INPP5A: variants seen among roughly 807,000 people sequenced by gnomAD.
The protein encoded by INPP5A is 43 kDa inositol polyphosphate 5-phophatase.
INPP5A carries 14 observed loss-of-function variants against 65.2 expected under a neutral mutation model. That is an observed-to-expected ratio of 0.21 (90% confidence interval 0.14 to 0.34). The LOEUF is 0.34. INPP5A is among the 10% of genes least tolerant of loss of function. The pLI, the probability that INPP5A is intolerant of heterozygous loss-of-function variation, is 1.00. For synonymous variants in INPP5A, 207 were observed against 208.3 expected, an observed-to-expected ratio of 0.99 and a Z score of 0.05; for missense variants, 431 against 545.6, an observed-to-expected ratio of 0.79 and a Z score of 2.09.
chr10:132,550,969 G>A lies in INPP5A; in HGVS notation c.75+12798G>A, dbSNP rs1200671636. Among the ~76,000 whole-genome samples the A allele has an allele frequency of 2.0e-5, 3 of 152,228 alleles. No homozygotes were observed. The East Asian group carries it at 5.8e-4, about 29-fold the overall frequency. ...GGGTGACAGTGGGCCATGTGGTGGGGACTCTGCAGGCCACCTGGAAAGGGG... is the reference window on the plus strand; with the variant it reads ...GGGTGACAGTGGGCCATGTGGTGGGAACTCTGCAGGCCACCTGGAAAGGGG... On this transcript the variant is annotated intron_variant, in intron 1 of 15. Coordinates refer to ENST00000368594, the MANE Select transcript of INPP5A (RefSeq NM_005539.5). This position sits in a 1 kb window ranked among gnomAD's most constrained non-coding sequence, Gnocchi z 4.2.
At chr10:132,613,160 G>A (rs192029757) in intron 2 of INPP5A, among the ~76,000 whole-genome samples, 22 of 152,228 alleles carry the variant, frequency 1.4e-4, no homozygotes, top group African/African-American at 3.9e-4. Context: ...TACTGTGAGC[G>A]TTGATAGTAG....
At chr10:132,770,228 G>A (rs895285283) in intron 12 of INPP5A, among the ~76,000 whole-genome samples, 3 of 152,152 alleles carry the variant, frequency 2.0e-5, no homozygotes, top group Admixed American at 6.5e-5. Context: ...AGGCCTGCCC[G>A]ACGGTACCCA....
chr10:132,604,065 T>C (rs1370962835), intron 1 of INPP5A, among the ~76,000 whole-genome samples: 6 of 137,770 alleles, frequency 4.4e-5, no homozygotes, highest in South Asian at 2.5e-4. Flanking sequence ...TCCCGCCCTG[T>C]GCCGTCAGGG....
chr10:132,719,526 G>A (rs1845820034), intron 8 of INPP5A, among the ~76,000 whole-genome samples: 1 of 150,456 alleles, frequency 6.6e-6, no homozygotes, highest in Non-Finnish European at 1.5e-5. Flanking sequence ...TTAGACGGCT[G>A]TCTTGCGGGT....
intron 5 of INPP5A, among the ~76,000 whole-genome samples, chr10:132,693,968 T>A (rs1294368728): frequency 6.6e-6 from 1 of 152,208 alleles, no homozygotes; most frequent in Non-Finnish European, 1.5e-5. Flanking sequence ...AATGAACAGA[T>A]CTGGCAAGCA....
chr10:132,596,601 TG>T (rs2071692121), intron 1 of INPP5A, among the ~76,000 whole-genome samples: 1 of 152,182 alleles, frequency 6.6e-6, no homozygotes, highest in African/African-American at 2.4e-5. Flanking sequence ...CTAATTTTTT[TG>T]TATTTTTAGT....
In INPP5A at chr10:132,676,341, G is replaced by A. The variant is rs1590916601; in HGVS notation, c.307-14051G>A. Among the ~76,000 whole-genome samples, 1 of 152,124 alleles carries A rather than the reference G, an allele frequency of 6.6e-6. No individual in the cohort carries two copies. Among genetic ancestry groups the A allele is most frequent in the African/African-American group, 2.4e-5 (1 of 41,408 alleles). On this transcript the variant is annotated intron_variant, in intron 4 of 15. Coordinates refer to ENST00000368594, the MANE Select transcript of INPP5A (RefSeq NM_005539.5). The surrounding 1 kb of genome is among the most constrained non-coding windows in gnomAD (Gnocchi z 4.0). ...CTGCGGAAAGGCTCTGGGGCGTCAC[G>A]TCTCCCTGTGGCCGAGGCTGCTGTT...
intron 2 of INPP5A, among the ~76,000 whole-genome samples, chr10:132,636,547 C>T (rs549559647): frequency 1.1e-4 from 16 of 152,346 alleles, no homozygotes; most frequent in African/African-American, 3.8e-4. Flanking sequence ...GCCTGCTGCA[C>T]GCCTTTGGAA....
At chr10:132,715,066 G>C (rs1163782862) in intron 8 of INPP5A, among the ~76,000 whole-genome samples, 1 of 152,198 alleles carries the variant, frequency 6.6e-6, no homozygotes, top group African/African-American at 2.4e-5. Context: ...CTCAGCCCGT[G>C]TTGGGGGCAG....
chr10:132,548,103 C>T (rs972203531), intron 1 of INPP5A, among the ~76,000 whole-genome samples: 5 of 151,882 alleles, frequency 3.3e-5, no homozygotes, highest in African/African-American at 9.7e-5. Context: ...AGGGTTTCAC[C>T]GTATTGGCCA....
intron 13 of INPP5A, among the ~76,000 whole-genome samples, chr10:132,779,067 G>A (rs1483772762): frequency 6.6e-6 from 1 of 152,250 alleles, no homozygotes; most frequent in East Asian, 1.9e-4. Context: ...TGGGCTGGAG[G>A]CGGGGCCCCT....
At chr10:132,655,255 T>TA (rs2072639468) in intron 4 of INPP5A, among the ~76,000 whole-genome samples, 1 of 152,196 alleles carries the variant, frequency 6.6e-6, no homozygotes, top group African/African-American at 2.4e-5. Flanking sequence ...CTGGTGTCCC[T>TA]ACCCCTGGGA....
At chr10:132,626,590 T>C (rs1175948509) in intron 2 of INPP5A, among the ~76,000 whole-genome samples, 7 of 152,252 alleles carry the variant, frequency 4.6e-5, no homozygotes, top group African/African-American at 1.7e-4. Context: ...TGTGCAATTC[T>C]TTCTCTCTGT....
intron 4 of INPP5A, among the ~76,000 whole-genome samples, chr10:132,677,903 G>C (rs1237832603): frequency 6.6e-6 from 1 of 152,194 alleles, no homozygotes; most frequent in Non-Finnish European, 1.5e-5. Context: ...CTTTAATTCA[G>C]GAACAGAATA....
chr10:132,646,963 G>C (rs561855552), intron 3 of INPP5A, among the ~76,000 whole-genome samples: 2 of 152,296 alleles, frequency 1.3e-5, no homozygotes, highest in African/African-American at 2.4e-5. Context: ...GAGGCTTCAG[G>C]CGATCCCAGC....
intron 11 of INPP5A, among the ~76,000 whole-genome samples, chr10:132,758,686 C>G (rs1846676484): frequency 6.6e-6 from 1 of 152,168 alleles, no homozygotes; most frequent in Admixed American, 6.5e-5. Flanking sequence ...CGGCTGTTTT[C>G]CTATTGTCAT....
chr10:132,696,856 C>G (rs755578181), intron 5 of INPP5A, among the ~76,000 whole-genome samples: 2 of 152,186 alleles, frequency 1.3e-5, no homozygotes, highest in African/African-American at 4.8e-5. Context: ...AGGGCTGGGC[C>G]AGACCACAGC....
rs569271876 is a variant in INPP5A, at chr10:132,749,836, C to A, written c.894C>A (p.Asn298Lys). Reference sequence around the variant, plus strand: ...ACCAGGAGGTTTTCCGAGACAACAACGGCACCGCGGTGAGTTTGTGGTCCA... The same window carrying A: ...ACCAGGAGGTTTTCCGAGACAACAAAGGCACCGCGGTGAGTTTGTGGTCCA... ...YFNQEVFRDN[N>K]GTALLEFDKE... Residue 298 changes from asparagine (N) to lysine (K), a missense_variant, in exon 11 of 16, where the codon AAC (asparagine) becomes AAA (lysine). Physicochemically the swap from Asn to Lys is moderately conservative, Grantham distance 94 (BLOSUM62 0). Transcript: ENST00000368594. The A allele has an allele frequency of 6.2e-7, 1 of 1,612,878 alleles. No homozygotes were observed. The highest frequency in any genetic ancestry group is 2.2e-5 in the East Asian group (1 of 44,900).
chr10:132,628,465 G>C (rs1011428988), intron 2 of INPP5A, among the ~76,000 whole-genome samples: 5 of 56,200 alleles, frequency 8.9e-5, no homozygotes, highest in African/African-American at 3.5e-4. Flanking sequence ...TCTGGTGGCG[G>C]GGGGGGGGGG....
Sources: allele counts gnomAD v4.1 joint callset (sites outside exome capture counted in the v4.1 genomes callset), GRCh38; gene constraint gnomAD v4.1.1; non-coding constraint Gnocchi (gnomAD v3.1); transcripts MANE v1.5; gene names NCBI Gene and HGNC (gene_info 2026-07-23, HGNC 2026-07-21).